ADAMTS2: variants seen among roughly 807,000 people sequenced by gnomAD.
The protein encoded by ADAMTS2 is ADAM metallopeptidase with thrombospondin type 1 motif 2, also known as A disintegrin and metalloproteinase with thrombospondin motifs 2.
ADAMTS2 carries 50 observed loss-of-function variants against 123.0 expected under a neutral mutation model. That is an observed-to-expected ratio of 0.41 (90% CI 0.32 to 0.51). The LOEUF (loss-of-function observed/expected upper bound fraction) is 0.51. Ranked by LOEUF, ADAMTS2 falls within the 20% of genes least tolerant of loss-of-function variation. ADAMTS2 has a pLI of 0.35. For missense variants in ADAMTS2, 1,494 were observed against 1,705.2 expected, an observed-to-expected ratio of 0.88 and a Z score of 2.18; for synonymous variants, 678 against 695.4, an observed-to-expected ratio of 0.98 and a Z score of 0.39.
intron 3 of ADAMTS2, among the ~76,000 whole-genome samples, chr5:179,255,395 C>T (rs575367136): frequency 1.3e-5 from 2 of 152,318 alleles, no homozygotes; most frequent in Admixed American, 6.5e-5. Flanking sequence ...GGGGCAGAAT[C>T]GGTCATGCTT....
rs966281432 is a variant in ADAMTS2, at chr5:179,234,749, C to T, written c.689-27034G>A. ...CTCCCCGTCCATGATGAGCTCAGCCCCTCCCTCTACCTGGATGCAGCAGCC... is the reference window on the plus strand; with the variant it reads ...CTCCCCGTCCATGATGAGCTCAGCCTCTCCCTCTACCTGGATGCAGCAGCC... On this transcript the variant is annotated intron_variant, in intron 3 of 21. Transcript: ENST00000251582. The surrounding 1 kb of genome is among the most constrained non-coding windows in gnomAD (Gnocchi z 4.7). Among the ~76,000 whole-genome samples the T allele has an allele frequency of 2.6e-5, 4 of 152,162 alleles. No homozygotes were observed. Among genetic ancestry groups the T allele is most frequent in the African/African-American group, 9.7e-5 (4 of 41,426 alleles).
chr5:179,158,813 G>A lies in ADAMTS2; in HGVS notation c.1042C>T (p.Leu348Phe). ...SLENVCRWAY[L>F]QQKPDTGHDE... Reference sequence around the variant, plus strand: ...TGGCCCGTGTCTGGCTTCTGCTGGAGGTAGGCCCAGCGGCAGACATTCTCC... The same window carrying A: ...TGGCCCGTGTCTGGCTTCTGCTGGAAGTAGGCCCAGCGGCAGACATTCTCC... Residue 348 changes from leucine to phenylalanine, a missense_variant, in exon 6 of 22, where the codon CTC (leucine) becomes TTC (phenylalanine). By Grantham distance (22) the Leu-to-Phe change is conservative. This residue lies in a region of ADAMTS2 where 70 missense variants were observed against 85.3 expected (regional missense o/e 0.82). Transcript: ENST00000251582. This position sits in a 1 kb window ranked among gnomAD's most constrained non-coding sequence, Gnocchi z 5.0. The A allele has an allele frequency of 1.2e-6, 2 of 1,614,238 alleles. No individual in the cohort carries two copies. The highest frequency in any genetic ancestry group is 1.7e-6 in the Non-Finnish European group (2 of 1,180,050).
At position 179,189,386 on chromosome 5, in the gene ADAMTS2, T is replaced by C. The variant is rs1202429402; in HGVS notation, c.892-8231A>G. Among the ~76,000 whole-genome samples, 2 of 151,766 alleles carry C rather than the reference T, an allele frequency of 1.3e-5. No individual in the cohort carries two copies. The highest frequency in any genetic ancestry group is 2.1e-4 in the South Asian group (1 of 4,800). On this transcript the variant is annotated intron_variant, in intron 4 of 21. Coordinates refer to ENST00000251582, the MANE Select transcript of ADAMTS2 (RefSeq NM_014244.5). The surrounding 1 kb of genome is among the most constrained non-coding windows in gnomAD (Gnocchi z 4.2). ...TTTTTGAGACGGAGTCTCTCTCTGT[T>C]GCCCAGGTTGGAGTGCAGTGGCATG...
In ADAMTS2 at chr5:179,180,261, G is replaced by A. The variant is rs771326957; in HGVS notation, c.975+811C>T. Among the ~76,000 whole-genome samples, 12 of 152,148 alleles carry A rather than the reference G, an allele frequency of 7.9e-5. No individual in the cohort carries two copies. The highest frequency in any genetic ancestry group is 1.0e-4 in the Non-Finnish European group (7 of 68,040). On this transcript the variant is annotated intron_variant, in intron 5 of 21. Transcript: ENST00000251582. The surrounding 1 kb of genome is among the most constrained non-coding windows in gnomAD (Gnocchi z 4.6). ...GCCATCCCAGGTCACTGTCCCTGGCGGCTACACACCCATGCACACCGCCAG... is the reference window on the plus strand; with the variant it reads ...GCCATCCCAGGTCACTGTCCCTGGCAGCTACACACCCATGCACACCGCCAG...
At chr5:179,218,074 A>G (rs1765044093) in intron 3 of ADAMTS2, among the ~76,000 whole-genome samples, 1 of 152,230 alleles carries the variant, frequency 6.6e-6, no homozygotes, top group African/African-American at 2.4e-5. Context: ...GAACTGCCAC[A>G]CTGCCCAGAA....
At chr5:179,160,186 C>T (rs183259567) in intron 5 of ADAMTS2, among the ~76,000 whole-genome samples, 52 of 152,284 alleles carry the variant, frequency 3.4e-4, no homozygotes, top group Admixed American at 1.4e-3. Flanking sequence ...TGGCCGTGCG[C>T]GGTGGCTCAC....
intron 2 of ADAMTS2, among the ~76,000 whole-genome samples, chr5:179,326,509 G>A (rs1436589677): frequency 1.5e-4 from 1 of 6,756 alleles, no homozygotes; most frequent in Non-Finnish European, 2.8e-4. Context: ...TCCCATGCCC[G>A]CCCAAGCCCC....
intron 2 of ADAMTS2, among the ~76,000 whole-genome samples, chr5:179,327,513 G>C (rs1381217894): frequency 6.6e-6 from 1 of 152,184 alleles, no homozygotes; most frequent in Non-Finnish European, 1.5e-5. Context: ...AGACCACGAG[G>C]GACTGAGAGA....
chr5:179,205,093 G>A (rs1475958246), intron 4 of ADAMTS2, among the ~76,000 whole-genome samples: 5 of 152,186 alleles, frequency 3.3e-5, no homozygotes, highest in East Asian at 1.9e-4. Context: ...TAGGGGGTAC[G>A]GCTGGATCAC....
At chr5:179,277,341 C>CCG (rs1554094541) in intron 2 of ADAMTS2, among the ~76,000 whole-genome samples, 2 of 17,736 alleles carry the variant, frequency 1.1e-4, no homozygotes, top group Non-Finnish European at 1.6e-4. Flanking sequence ...CAAAGGCTGA[C>CCG]CCCCCTGAGA....
rs1234192227 is a variant in ADAMTS2 at position 179,234,023 on chromosome 5, C to A, written c.689-26308G>T. Among the ~76,000 whole-genome samples, 1 of 152,158 alleles carries A rather than the reference C, an allele frequency of 6.6e-6. No homozygotes were observed. The highest frequency in any genetic ancestry group is 2.4e-5 in the African/African-American group (1 of 41,430). ...AAACACCTGGTCACAATGGTTAAGACCCTCCTGTGTCCAGGACCCCGACTG... is the reference window on the plus strand; with the variant it reads ...AAACACCTGGTCACAATGGTTAAGAACCTCCTGTGTCCAGGACCCCGACTG... On this transcript the variant is annotated intron_variant, in intron 3 of 21. Transcript: ENST00000251582. The surrounding 1 kb of genome is among the most constrained non-coding windows in gnomAD (Gnocchi z 4.7).
intron 2 of ADAMTS2, among the ~76,000 whole-genome samples, chr5:179,287,843 C>T (rs889275738): frequency 3.3e-5 from 5 of 152,224 alleles, no homozygotes; most frequent in African/African-American, 1.2e-4. Flanking sequence ...ACCCGACGGA[C>T]GTCCCCCTTA....
intron 6 of ADAMTS2, among the ~76,000 whole-genome samples, chr5:179,157,268 G>A (rs965442008): frequency 1.3e-5 from 2 of 152,156 alleles, no homozygotes; most frequent in South Asian, 4.1e-4. Context: ...ATTTTTAAAT[G>A]AGGGATCAGG....
In ADAMTS2 at chr5:179,242,885, C is replaced by T. The variant is rs988009765; in HGVS notation, c.688+30026G>A. Among the ~76,000 whole-genome samples the T allele has an allele frequency of 6.6e-6, 1 of 152,194 alleles. No homozygotes were observed. Among genetic ancestry groups the T allele is most frequent in the African/African-American group, 2.4e-5 (1 of 41,444 alleles). The stretch of plus-strand genomic sequence containing the variant: ...TGTGACCGAAAGGCCGGAGCACCTT[C>T]CTCCACCCAGCCCTAACTCAGGGCA... On this transcript the variant is annotated intron_variant, in intron 3 of 21. Coordinates refer to ENST00000251582, the MANE Select transcript of ADAMTS2 (RefSeq NM_014244.5). The surrounding 1 kb of genome is among the most constrained non-coding windows in gnomAD (Gnocchi z 4.2).
intron 13 of ADAMTS2, among the ~76,000 whole-genome samples, chr5:179,134,691 G>A (rs1763021189): frequency 6.6e-6 from 1 of 152,078 alleles, no homozygotes; most frequent in African/African-American, 2.4e-5. Context: ...GAAGTCACAG[G>A]AGCAAATGCA....
chr5:179,273,624 T>G (rs1766607344), intron 2 of ADAMTS2, among the ~76,000 whole-genome samples: 1 of 152,114 alleles, frequency 6.6e-6, no homozygotes, highest in Non-Finnish European at 1.5e-5. Flanking sequence ...CAGCTTTCCT[T>G]GGAAACGCAG....
At chr5:179,333,596 GTTTTTTTTTTTTTTTTT>G (rs1219136980) in intron 2 of ADAMTS2, among the ~76,000 whole-genome samples, 1 of 105,996 alleles carries the variant, frequency 9.4e-6, no homozygotes, top group Non-Finnish European at 1.8e-5. Context: ...GTTTTTTTCT[GTTTTTTTTTTTTTTTTT>G]TTTTTTAGAC....
At chr5:179,334,620 G>A (rs1428644446) in intron 2 of ADAMTS2, among the ~76,000 whole-genome samples, 1 of 152,202 alleles carries the variant, frequency 6.6e-6, no homozygotes, top group Non-Finnish European at 1.5e-5. Context: ...TCGCTCTGAA[G>A]GTTCCAGACG....
chr5:179,322,614 G>C (rs1261620568), intron 2 of ADAMTS2, among the ~76,000 whole-genome samples: 3 of 152,236 alleles, frequency 2.0e-5, no homozygotes, highest in Non-Finnish European at 4.4e-5. Context: ...CAGCCACAGA[G>C]TCAGGGAAGC....
Sources: gnomAD v4.1 joint callset for allele counts (sites outside exome capture counted in the v4.1 genomes callset) on GRCh38, gnomAD v4.1.1 for gene constraint, gnomAD v4.1.1 regional missense constraint, Gnocchi (gnomAD v3.1) non-coding constraint, MANE v1.5 for transcripts, NCBI Gene and HGNC (gene_info 2026-07-23, HGNC 2026-07-21) for gene names.